ACSS3: variants seen among roughly 807,000 people sequenced by gnomAD.
ACSS3 encodes acyl-CoA synthetase short-chain family member 3, mitochondrial.
Under a neutral mutation model 84.2 loss-of-function variants are expected in ACSS3, and 64 were observed. That is an observed-to-expected ratio of 0.76 (90% CI 0.62 to 0.94). The LOEUF is 0.94. ACSS3 is among the 40% of genes least tolerant of loss of function. ACSS3 has a pLI of 0.00. For synonymous variants in ACSS3, 317 were observed against 310.1 expected, an observed-to-expected ratio of 1.02 and a Z score of -0.23; for missense variants, 815 against 867.6, an observed-to-expected ratio of 0.94 and a Z score of 0.76.
intron 9 of ACSS3, among the ~76,000 whole-genome samples, chr12:81,207,685 G>T (rs10506274): frequency 0.37 from 56,550 of 151,976 alleles, 11,858 homozygotes; most frequent in Non-Finnish European, 0.48. Context: ...CGGAACTTAC[G>T]TTTGAGAAAA....
At chr12:81,168,565 G>A (rs1887510657) in intron 7 of ACSS3, among the ~76,000 whole-genome samples, 1 of 152,160 alleles carries the variant, frequency 6.6e-6, no homozygotes, top group Admixed American at 6.5e-5. Flanking sequence ...AGGTCTCTGG[G>A]TAATACATAA....
chr12:81,156,941 C>T (rs1394506094), intron 7 of ACSS3, among the ~76,000 whole-genome samples: 3 of 152,080 alleles, frequency 2.0e-5, no homozygotes, highest in Non-Finnish European at 4.4e-5. Flanking sequence ...AGAATCAATA[C>T]CATTTCTTCA....
rs1437243802 is a variant in ACSS3 at position 81,096,433 on chromosome 12, T to C, written c.312-13127T>C. Reference sequence around the variant, plus strand: ...ACAAAAGTACACAAAAAAACATGGATACTTAAAAGCGGACATGCACTTGTA... The same window carrying C: ...ACAAAAGTACACAAAAAAACATGGACACTTAAAAGCGGACATGCACTTGTA... On this transcript the variant is annotated intron_variant, in intron 1 of 15. Coordinates refer to ENST00000548058, the MANE Select transcript of ACSS3 (RefSeq NM_024560.4). Among the ~76,000 whole-genome samples, 6 of 152,316 alleles carry C rather than the reference T, an allele frequency of 3.9e-5. No homozygotes were observed. In the East Asian group the frequency reaches 7.7e-4, roughly 20 times the overall value.
intron 1 of ACSS3, among the ~76,000 whole-genome samples, chr12:81,078,700 A>G (rs1478245436): frequency 6.6e-6 from 1 of 152,148 alleles, no homozygotes; most frequent in Admixed American, 6.5e-5. Context: ...GGCAGTGGGA[A>G]TAGTAAGAAA....
At chr12:81,109,798 T>TTAGA in intron 2 of ACSS3, 94 bp downstream of exon 2, 1 of 1,020,188 alleles carries the variant, frequency 9.8e-7, no homozygotes, top group Non-Finnish European at 1.4e-6. Flanking sequence ...AATTCTCTAA[T>TTAGA]GCATTGAAAT....
At chr12:81,105,399 G>T (rs937898606) in intron 1 of ACSS3, among the ~76,000 whole-genome samples, 4 of 152,106 alleles carry the variant, frequency 2.6e-5, no homozygotes, top group Non-Finnish European at 5.9e-5. Context: ...ACAGAGAAAA[G>T]AATCAATTGA....
chr12:81,242,335 A>G (rs1441201486), intron 13 of ACSS3, among the ~76,000 whole-genome samples: 4 of 152,138 alleles, frequency 2.6e-5, no homozygotes, highest in Admixed American at 2.6e-4. Context: ...GAATAGACCA[A>G]TAACAGGAGC....
At chr12:81,102,490 C>T (rs915926741) in intron 1 of ACSS3, among the ~76,000 whole-genome samples, 4 of 152,038 alleles carry the variant, frequency 2.6e-5, no homozygotes, top group African/African-American at 9.7e-5. Context: ...TAATAGTAAC[C>T]AAAGAAACCA....
At chr12:81,172,186 A>T (rs1300051639) in intron 7 of ACSS3, among the ~76,000 whole-genome samples, 1 of 142,710 alleles carries the variant, frequency 7.0e-6, no homozygotes, top group Middle Eastern at 3.4e-3. Context: ...GAATCCCTTG[A>T]ATCCGGGAGG....
intron 7 of ACSS3, among the ~76,000 whole-genome samples, chr12:81,156,190 A>ACACG (rs1450000002): frequency 7.6e-6 from 1 of 132,122 alleles, no homozygotes; most frequent in Non-Finnish European, 1.8e-5. Flanking sequence ...AGGAAAACAC[A>ACACG]CACACACACA....
At chr12:81,203,370 C>G (rs976859651) in intron 9 of ACSS3, among the ~76,000 whole-genome samples, 1 of 152,140 alleles carries the variant, frequency 6.6e-6, no homozygotes, top group Admixed American at 6.6e-5. Flanking sequence ...ACAGACACAA[C>G]CAAACATAAT....
chr12:81,242,460 A>G (rs2033838943), intron 13 of ACSS3, among the ~76,000 whole-genome samples: 1 of 150,400 alleles, frequency 6.6e-6, no homozygotes, highest in Admixed American at 6.6e-5. Context: ...TCCTTCTGAA[A>G]CTATTCCAAT....
intron 7 of ACSS3, among the ~76,000 whole-genome samples, chr12:81,168,090 A>G (rs1429003616): frequency 2.0e-5 from 3 of 152,210 alleles, no homozygotes; most frequent in Non-Finnish European, 4.4e-5. Flanking sequence ...GAAAGAAGAC[A>G]GGTTGGTTGG....
intron 11 of ACSS3, 34 bp from the exon 12 acceptor site, chr12:81,231,023 C>A: frequency 6.6e-7 from 1 of 1,505,968 alleles, no homozygotes; most frequent in Non-Finnish European, 9.2e-7. Flanking sequence ...TTACCACTTT[C>A]ATCATAATTT....
intron 7 of ACSS3, among the ~76,000 whole-genome samples, chr12:81,159,655 G>A (rs553216449): frequency 5.3e-5 from 8 of 152,280 alleles, no homozygotes; most frequent in East Asian, 3.9e-4. Context: ...AACCCTAACC[G>A]TGTATGAACA....
At chr12:81,165,507 G>A (rs894000959) in intron 7 of ACSS3, among the ~76,000 whole-genome samples, 22 of 152,188 alleles carry the variant, frequency 1.4e-4, no homozygotes, top group South Asian at 4.1e-4. Flanking sequence ...TTAGCCAGGC[G>A]TGGTGGTGGG....
intron 8 of ACSS3, among the ~76,000 whole-genome samples, chr12:81,183,730 T>A (rs1020210123): frequency 3.9e-5 from 6 of 152,056 alleles, no homozygotes; most frequent in African/African-American, 1.4e-4. Flanking sequence ...AAAAGGGTCA[T>A]TCATTAAGAT....
At position 81,253,335 on chromosome 12, in the gene ACSS3, A is replaced by G. The variant is rs2034211283; in HGVS notation, c.1748A>G (p.Asp583Gly). The change falls in exon 14 of 16, where the codon GAC (aspartate) becomes GGC (glycine). Residue 583 changes from aspartate (D) to glycine (G), a missense_variant. By Grantham distance (94) the Asp-to-Gly change is moderately conservative. Transcript: ENST00000548058. ...ESILSHGTVA[D>G]CAVVGKEDPL... is the part of the protein sequence containing the mutation. ...ATCCTTTCCCATGGTACCGTGGCAGACTGTGCTGTTGTTGGCAAGGAAGAT... is the reference window on the plus strand; with the variant it reads ...ATCCTTTCCCATGGTACCGTGGCAGGCTGTGCTGTTGTTGGCAAGGAAGAT... The G allele has an allele frequency of 3.1e-6, 5 of 1,613,936 alleles. No homozygotes were observed. Among genetic ancestry groups the G allele is most frequent in the Non-Finnish European group, 4.2e-6 (5 of 1,179,878 alleles).
At chr12:81,140,017 T>C (rs1435966) in intron 4 of ACSS3, among the ~76,000 whole-genome samples, 1,998 of 152,246 alleles carry the variant, frequency 0.013, 20 homozygotes, top group Middle Eastern at 0.02. Context: ...CCAGTGAACA[T>C]GGAGATAAAG....
Sources: allele counts gnomAD v4.1 joint callset (sites outside exome capture counted in the v4.1 genomes callset), GRCh38; gene constraint gnomAD v4.1.1; transcripts MANE v1.5; gene names NCBI Gene and HGNC (gene_info 2026-07-23, HGNC 2026-07-21).